STK24: variants seen among roughly 807,000 people sequenced by gnomAD.
STK24 encodes serine/threonine-protein kinase 24.
A neutral mutation model predicts 55.6 loss-of-function variants in STK24; 21 were observed. That is an observed-to-expected ratio of 0.38 (90% confidence interval 0.27 to 0.54). The LOEUF is 0.54. Among genes scored for constraint, STK24 ranks in the 20% least tolerant of loss-of-function variants. STK24 has a pLI of 0.79. For synonymous variants in STK24, 200 were observed against 215.2 expected (o/e 0.93, Z 0.62); for missense variants, 383 against 538.4 (o/e 0.71, Z 2.86).
At chr13:98,551,083 G>A (rs1284438240) in intron 1 of STK24, among the ~76,000 whole-genome samples, 2 of 151,970 alleles carry the variant, frequency 1.3e-5, no homozygotes, top group African/African-American at 2.4e-5. Context: ...TCAGGAGATC[G>A]AGACCATCCT....
At chr13:98,461,610 C>T (rs1355418387) in intron 8 of STK24, among the ~76,000 whole-genome samples, 164 bp downstream of exon 8, 1 of 152,164 alleles carries the variant, frequency 6.6e-6, no homozygotes, top group African/African-American at 2.4e-5. Context: ...CCTGGATCAT[C>T]AGACAGAACT....
intron 1 of STK24, among the ~76,000 whole-genome samples, chr13:98,529,807 C>G (rs1418312244): frequency 6.6e-6 from 1 of 152,102 alleles, no homozygotes; most frequent in Admixed American, 6.5e-5. Context: ...TGACTCTACC[C>G]AACTTAAAAG....
At chr13:98,562,702 T>C (rs541260682) in intron 1 of STK24, among the ~76,000 whole-genome samples, 7 of 151,866 alleles carry the variant, frequency 4.6e-5, no homozygotes, top group Admixed American at 2.0e-4. Context: ...GATCACGAGG[T>C]CAAGAGATCC....
Position 98,461,862 on chromosome 13 carries a change from G to T in STK24, c.965C>A (p.Ser322Tyr). ...TDGQASGGSD[S>Y]GDWIFTIREK... ...TCGGATTGTGAAGATCCAGTCCCCA[G>T]AATCACTGCCCCCCGAGGCTTGGCC... The change falls in exon 8 of 11, where the codon TCT becomes TAT. Residue 322 changes from serine (S) to tyrosine (Y), a missense_variant. Ser to Tyr is a moderately radical substitution (Grantham distance 144, BLOSUM62 -2). Transcript: ENST00000539966. 1 of 1,614,118 alleles carries T rather than the reference G, an allele frequency of 6.2e-7. No individual in the cohort carries two copies. Among genetic ancestry groups the T allele is most frequent in the Non-Finnish European group, 8.5e-7 (1 of 1,179,978 alleles).
chr13:98,520,390 A>T (rs1896217502), intron 1 of STK24, among the ~76,000 whole-genome samples: 2 of 152,218 alleles, frequency 1.3e-5, no homozygotes, highest in Admixed American at 1.3e-4. Context: ...GGACTCTAAG[A>T]GACACCACTG....
chr13:98,517,462 C>A (rs1488695046), intron 2 of STK24, among the ~76,000 whole-genome samples: 4 of 152,124 alleles, frequency 2.6e-5, no homozygotes, highest in African/African-American at 9.7e-5. Flanking sequence ...CCCATCTCTA[C>A]TAAAAATACA....
chr13:98,447,187 A>C lies in STK24; in HGVS notation c.*5986T>G. 1 of 186,520 alleles carries C rather than the reference A, an allele frequency of 5.4e-6. No individual in the cohort carries two copies. Among genetic ancestry groups the C allele is most frequent in the Non-Finnish European group, 1.1e-5 (1 of 90,436 alleles). 11.6% of individuals were successfully genotyped at this position (186,520 alleles called of 1,614,324 possible). A position where few individuals can be genotyped will look rare whatever the true frequency, so the allele number is the denominator to read the frequency against. ...AAGAAATGCAACAGTCAGGCCTAAG[A>C]CTGTTCCTGCAATTCATATTTTGAA... On this transcript the variant is annotated 3_prime_UTR_variant, in exon 11 of 11. Transcript: ENST00000539966.
chr13:98,493,349 G>A (rs1404723110), intron 2 of STK24, among the ~76,000 whole-genome samples: 1 of 152,134 alleles, frequency 6.6e-6, no homozygotes, highest in African/African-American at 2.4e-5. Context: ...ATACTAAGAG[G>A]AATAAAAACA....
chr13:98,544,545 C>T (rs780757182), intron 1 of STK24, among the ~76,000 whole-genome samples: 7 of 152,200 alleles, frequency 4.6e-5, no homozygotes, highest in Non-Finnish European at 7.3e-5. Context: ...CAGGGCAGGC[C>T]GGAGAGGAGA....
At chr13:98,463,159 A>T (rs1428144287) in intron 7 of STK24, among the ~76,000 whole-genome samples, 2 of 152,086 alleles carry the variant, frequency 1.3e-5, no homozygotes, top group Non-Finnish European at 2.9e-5. Flanking sequence ...ACTTCCAGAC[A>T]CAAGTCTGCC....
rs1319681611 is a variant in STK24, at chr13:98,447,861, G to GAA, written c.*5310_*5311dup. ...CCCTGTCTCAAAAAAAAAAGAAAAAGAAAAAAGGAAGGGAGAGCTTCCACT... is the reference window on the plus strand; with the variant it reads ...CCCTGTCTCAAAAAAAAAAGAAAAAGAAAAAAAAGGAAGGGAGAGCTTCCACT... On this transcript the variant is annotated 3_prime_UTR_variant, in exon 11 of 11. Coordinates refer to ENST00000539966, the MANE Select transcript of STK24 (RefSeq NM_001032296.4). The GAA allele has an allele frequency of 4.7e-6, 1 of 212,000 alleles. No homozygotes were observed. The highest frequency in any genetic ancestry group is 9.0e-5 in the South Asian group (1 of 11,138). The allele number at this position is 212,000 out of a possible 1,614,324, so 13.1% of individuals were successfully genotyped here.
chr13:98,560,240 C>T (rs532224800), intron 1 of STK24, among the ~76,000 whole-genome samples: 16 of 152,310 alleles, frequency 1.1e-4, no homozygotes, highest in South Asian at 2.1e-4. Flanking sequence ...ATCCACTCAA[C>T]GCTGCTCAAC....
At chr13:98,481,010 C>T (rs548516584) in intron 3 of STK24, among the ~76,000 whole-genome samples, 1 of 152,300 alleles carries the variant, frequency 6.6e-6, no homozygotes, top group South Asian at 2.1e-4. Flanking sequence ...ATCCTGATGG[C>T]CGCCTATCAT....
At position 98,562,917 on chromosome 13, in the gene STK24, TA is replaced by T. The variant is rs575288091; in HGVS notation, c.42+13827del. 6.2e-3 allele frequency among the ~76,000 whole-genome samples: 678 copies of T among 109,108 alleles called. 1 individual carries two copies. The highest frequency in any genetic ancestry group is 8.2e-3 in the Non-Finnish European group (436 of 52,944). 71.6% of individuals were successfully genotyped at this position (109,108 alleles called of 152,430 possible). On this transcript the variant is annotated intron_variant, in intron 1 of 10. Coordinates refer to ENST00000539966, the MANE Select transcript of STK24 (RefSeq NM_001032296.4). The stretch of plus-strand genomic sequence containing the variant: ...GGCAACAGAGTGAGACTCCCTCTCT[TA>T]AAAAAAAAAAAAAAAAAAGGTAAAA...
At chr13:98,567,219 A>G (rs1312471470) in intron 1 of STK24, among the ~76,000 whole-genome samples, 2 of 152,222 alleles carry the variant, frequency 1.3e-5, no homozygotes, top group Non-Finnish European at 2.9e-5. Flanking sequence ...CGCAGACACC[A>G]CTGACTCTGC....
Position 98,447,458 on chromosome 13 carries a change from T to TGACA in STK24, c.*5711_*5714dup, listed in dbSNP as rs1005836058. On this transcript the variant is annotated 3_prime_UTR_variant, in exon 11 of 11. Transcript: ENST00000539966. ...CAAAGTTGGGATTTTGCTATTATTGTGACAAAGGGTCCAGCCTTGCAGTCC... is the reference window on the plus strand; with the variant it reads ...CAAAGTTGGGATTTTGCTATTATTGTGACAGACAAAGGGTCCAGCCTTGCAGTCC... The TGACA allele has an allele frequency of 6.6e-6, 1 of 152,490 alleles. No homozygotes were observed. Among genetic ancestry groups the TGACA allele is most frequent in the African/African-American group, 2.4e-5 (1 of 41,448 alleles). The allele number at this position is 152,490 out of a possible 1,614,324, so 9.4% of individuals were successfully genotyped here.
chr13:98,515,404 T>G (rs1474959050), intron 2 of STK24, among the ~76,000 whole-genome samples: 1 of 152,072 alleles, frequency 6.6e-6, no homozygotes, highest in Non-Finnish European at 1.5e-5. Flanking sequence ...TTAAGTATCC[T>G]AGCTGGTTTA....
At chr13:98,530,932 C>T (rs1566389263) in intron 1 of STK24, among the ~76,000 whole-genome samples, 2 of 152,208 alleles carry the variant, frequency 1.3e-5, no homozygotes, top group African/African-American at 2.4e-5. Context: ...AGGTACAACA[C>T]AATGCGACAG....
chr13:98,519,093 C>CA lies in STK24; in HGVS notation c.273+149dup. ...GAGACATTTGAGATGATGGAACTAT[C>CA]AAAGCCAGGTTCTTTTGATCACGAA... On this transcript the variant is annotated intron_variant, in intron 2 of 10. Transcript: ENST00000539966. 6 of 632,630 alleles carry CA rather than the reference C, an allele frequency of 9.5e-6. No individual in the cohort carries two copies. In the East Asian group the frequency reaches 1.6e-4, roughly 17 times the overall value. 39.2% of individuals were successfully genotyped at this position (632,630 alleles called of 1,614,324 possible).
Sources: gnomAD v4.1 joint callset for allele counts (sites outside exome capture counted in the v4.1 genomes callset) on GRCh38, gnomAD v4.1.1 for gene constraint, MANE v1.5 for transcripts, NCBI Gene and HGNC (gene_info 2026-07-23, HGNC 2026-07-21) for gene names.